CELF2: variants seen among roughly 807,000 people sequenced by gnomAD.
CELF2 encodes the protein CUG triplet repeat RNA-binding protein 2.
A neutral mutation model predicts 62.6 loss-of-function variants in CELF2; 8 were observed. That is an observed-to-expected ratio of 0.13 (90% confidence interval 0.07 to 0.23). The LOEUF is 0.23. Ranked by LOEUF, CELF2 falls within the 10% of genes least tolerant of loss-of-function variation. The pLI, the probability that CELF2 is intolerant of heterozygous loss-of-function variation, is 1.00. For missense variants in CELF2, 333 were observed against 671.0 expected, an observed-to-expected ratio of 0.50 and a Z score of 5.56; for synonymous variants, 258 against 250.0, an observed-to-expected ratio of 1.03 and a Z score of -0.30.
intron 1 of CELF2, among the ~76,000 whole-genome samples, chr10:11,135,364 T>C (rs2060266488): frequency 6.6e-6 from 1 of 152,240 alleles, no homozygotes; most frequent in Non-Finnish European, 1.5e-5. Flanking sequence ...TGACGTGAAA[T>C]AGTGGAGGGC....
At chr10:10,567,378 G>A in the CELF2 span, among the ~76,000 whole-genome samples, 1 of 152,186 alleles carries the variant, frequency 6.6e-6, no homozygotes, top group Non-Finnish European at 1.5e-5. Flanking sequence ...CACAGGTCGG[G>A]TTCCCTGGGG....
At chr10:10,968,771 T>G (rs533373365) in intron 2 of CELF2, among the ~76,000 whole-genome samples, 2 of 152,160 alleles carry the variant, frequency 1.3e-5, no homozygotes, top group African/African-American at 4.8e-5. Context: ...GGACCATTGC[T>G]TCATGCTCAA....
rs933758696 is a variant in CELF2 at position 11,316,759 on chromosome 10, T to C, written c.1096+2501T>C. On this transcript the variant is annotated intron_variant, in intron 10 of 12. Transcript: ENST00000633077. This position sits in a 1 kb window ranked among gnomAD's most constrained non-coding sequence, Gnocchi z 4.4. Reference sequence around the variant, plus strand: ...ACCAGAGCCAACATTTTACCCTCTTTCCTGCCCAAGAGCCCAGCACCTCTC... The same window carrying C: ...ACCAGAGCCAACATTTTACCCTCTTCCCTGCCCAAGAGCCCAGCACCTCTC... 3 of 152,150 alleles carry C rather than the reference T, an allele frequency of 2.0e-5. No homozygotes were observed. Among genetic ancestry groups the C allele is most frequent in the Middle Eastern group, 3.4e-3 (1 of 294 alleles). The allele number at this position is 152,150 out of a possible 1,614,324, so 9.4% of individuals were successfully genotyped here. A position where few individuals can be genotyped will look rare whatever the true frequency, so the allele number is the denominator to read the frequency against.
chr10:10,771,330 G>A, the CELF2 span, among the ~76,000 whole-genome samples: 1 of 152,164 alleles, frequency 6.6e-6, no homozygotes, highest in African/African-American at 2.4e-5. Context: ...GTGATGTAAA[G>A]CTCAGGTTAC....
chr10:11,255,678 A>ACCCC lies in CELF2; in HGVS notation c.404-2057_404-2054dup. 6.6e-6 allele frequency among the ~76,000 whole-genome samples: 1 copy of ACCCC among 150,808 alleles called. No homozygotes were observed. The stretch of plus-strand genomic sequence containing the variant: ...AGAGAGCTGGGTGGAAGGGATTCTG[A>ACCCC]CCCCCCACTCACCGTCCCTGCCTCA... On this transcript the variant is annotated intron_variant, in intron 4 of 12. Coordinates refer to ENST00000633077, the MANE Select transcript of CELF2 (RefSeq NM_001326342.2). The surrounding 1 kb of genome is among the most constrained non-coding windows in gnomAD (Gnocchi z 5.5).
At chr10:10,627,335 G>A in the CELF2 span, among the ~76,000 whole-genome samples, 1 of 152,180 alleles carries the variant, frequency 6.6e-6, no homozygotes, top group Non-Finnish European at 1.5e-5. Flanking sequence ...CAATGTTAAT[G>A]ACATTTTTAG....
the CELF2 span, among the ~76,000 whole-genome samples, chr10:10,600,877 C>T: frequency 6.6e-6 from 1 of 152,172 alleles, no homozygotes; most frequent in African/African-American, 2.4e-5. Flanking sequence ...CTATTTACTC[C>T]TCCCATTTTA....
intron 2 of CELF2, among the ~76,000 whole-genome samples, chr10:11,166,315 T>C (rs2067165277): frequency 6.6e-6 from 1 of 152,180 alleles, no homozygotes; most frequent in Non-Finnish European, 1.5e-5. Context: ...GTTACGCCCT[T>C]ATCAGTGTGG....
chr10:11,126,328 G>A (rs2058695992), intron 1 of CELF2, among the ~76,000 whole-genome samples: 1 of 152,122 alleles, frequency 6.6e-6, no homozygotes, highest in Non-Finnish European at 1.5e-5. Context: ...ATTTCAGGGT[G>A]TCAAAAATGG....
chr10:10,462,581 G>GTGC, the CELF2 span, among the ~76,000 whole-genome samples: 1 of 128,344 alleles, frequency 7.8e-6, no homozygotes, highest in African/African-American at 3.0e-5. Context: ...GTGCTGCAAC[G>GTGC]TGCTGGTAAG....
chr10:10,547,692 AGTGTGTGTGTGT>A, the CELF2 span, among the ~76,000 whole-genome samples: 7 of 138,006 alleles, frequency 5.1e-5, no homozygotes, highest in South Asian at 2.5e-4. Context: ...AGAGAGAGAG[AGTGTGTGTGTGT>A]GTGTGTGTGT....
At chr10:11,144,119 T>C (rs74704938) in intron 1 of CELF2, among the ~76,000 whole-genome samples, 6,704 of 152,150 alleles carry the variant, frequency 0.044, 165 homozygotes, top group African/African-American at 0.046. Context: ...AAATGCCGCA[T>C]TTCATAATGT....
intron 2 of CELF2, among the ~76,000 whole-genome samples, chr10:10,950,593 AT>A (rs1321710463): frequency 2.6e-5 from 4 of 152,132 alleles, no homozygotes; most frequent in Non-Finnish European, 5.9e-5. Context: ...AATTGCAAGG[AT>A]TTCATGAGGG....
chr10:10,872,038 C>G (rs895434502), intron 1 of CELF2, among the ~76,000 whole-genome samples: 7 of 152,164 alleles, frequency 4.6e-5, no homozygotes, highest in African/African-American at 1.2e-4. Flanking sequence ...CCTTTAATTA[C>G]TCATTTTAGA....
chr10:10,937,039 A>G (rs1345774239), intron 2 of CELF2, among the ~76,000 whole-genome samples: 3 of 152,072 alleles, frequency 2.0e-5, no homozygotes, highest in African/African-American at 7.2e-5. Flanking sequence ...CTTAGGCTTC[A>G]ATTACATCTC....
At chr10:10,838,186 A>G (rs1213740755) in intron 1 of CELF2, among the ~76,000 whole-genome samples, 1 of 152,066 alleles carries the variant, frequency 6.6e-6, no homozygotes, top group Non-Finnish European at 1.5e-5. Flanking sequence ...AATGCTCCTC[A>G]ATTGGGATTT....
chr10:10,778,059 C>T, the CELF2 span, among the ~76,000 whole-genome samples: 2 of 152,162 alleles, frequency 1.3e-5, no homozygotes, highest in Non-Finnish European at 2.9e-5. Context: ...CAATCAGGTT[C>T]GGGAGATGGG....
chr10:11,310,308 G>A (rs970117739), intron 9 of CELF2, among the ~76,000 whole-genome samples: 14 of 152,136 alleles, frequency 9.2e-5, no homozygotes, highest in African/African-American at 3.4e-4. Flanking sequence ...CCATCTTCTT[G>A]GCCATACCTG....
intron 7 of CELF2, among the ~76,000 whole-genome samples, chr10:11,272,489 T>C (rs1033683481): frequency 6.6e-6 from 1 of 151,588 alleles, no homozygotes; most frequent in Non-Finnish European, 1.5e-5. Flanking sequence ...CCATCCACCA[T>C]TTCTGAAAAC....
Sources: gnomAD v4.1 joint callset for allele counts (sites outside exome capture counted in the v4.1 genomes callset) on GRCh38, gnomAD v4.1.1 for gene constraint, Gnocchi (gnomAD v3.1) non-coding constraint, MANE v1.5 for transcripts, NCBI Gene and HGNC (gene_info 2026-07-23, HGNC 2026-07-21) for gene names.